The following NOC3L variants were observed in gnomAD, a reference collection of about 807,000 sequenced individuals.
NOC3L encodes the protein nucleolar complex protein 3 homolog.
A neutral mutation model predicts 102.5 loss-of-function variants in NOC3L; 85 were observed. The observed-to-expected ratio is 0.83, with a 90% CI of 0.70 to 0.99. The LOEUF (loss-of-function observed/expected upper bound fraction) is 0.99, where lower values mean the gene tolerates loss of function less well. Ranked by LOEUF, NOC3L falls within the 50% of genes least tolerant of loss-of-function variation. The pLI is 0.00. For synonymous variants in NOC3L, 303 were observed against 309.4 expected, an observed-to-expected ratio of 0.98 and a Z score of 0.22; for missense variants, 878 against 914.9, an observed-to-expected ratio of 0.96 and a Z score of 0.52.
At chr10:94,318,945 A>C in the NOC3L span, among the ~76,000 whole-genome samples, 1 of 152,090 alleles carries the variant, frequency 6.6e-6, no homozygotes, top group East Asian at 1.9e-4. Context: ...CTACTCAGGA[A>C]GCTGAGGCAG....
the NOC3L span, chr10:94,328,175 A>G: frequency 5.1e-5 from 15 of 294,818 alleles, no homozygotes; most frequent in South Asian, 5.2e-4. Flanking sequence ...CCATTTTATA[A>G]ATGTCAGCAG....
the NOC3L span, chr10:94,328,020 A>G: frequency 3.8e-6 from 2 of 528,874 alleles, no homozygotes; most frequent in Admixed American, 3.9e-5. Context: ...AAAAAATATA[A>G]TTATTTTCAT....
chr10:94,341,988 A>T (rs949512377), intron 13 of NOC3L, among the ~76,000 whole-genome samples: 20 of 152,232 alleles, frequency 1.3e-4, no homozygotes, highest in African/African-American at 4.6e-4. Context: ...ATATTTCAAA[A>T]ATCCTTCTGC....
intron 2 of NOC3L, 72 bp downstream of exon 2, chr10:94,361,592 CA>C (rs2054551524): frequency 1.4e-6 from 2 of 1,467,954 alleles, no homozygotes; most frequent in Non-Finnish European, 1.9e-6. Flanking sequence ...TACTAGAAAG[CA>C]AAGTTATTTC....
Position 94,338,620 on chromosome 10 carries a change from C to T in NOC3L, c.2079G>A (p.Leu693=). ...GGGCCACTCTTACCCGCAGAGCATG[C>T]AGTTCCCACAGAGCAGTGTTCTGAG... ...CNAQNTALWE[L]HALRRHYHPI... Residue 693 remains leucine, a synonymous_variant, in exon 18 of 21, where the codon CTG becomes CTA. Coordinates refer to ENST00000371361, the MANE Select transcript of NOC3L (RefSeq NM_022451.11). 1.3e-6 allele frequency: 2 copies of T among 1,566,924 alleles called. No homozygotes were observed. The highest frequency in any genetic ancestry group is 1.2e-5 in the South Asian group (1 of 81,898).
chr10:94,334,337 T>G, intron 20 of NOC3L, 32 bp from the exon 21 acceptor site: 1 of 1,425,564 alleles, frequency 7.0e-7, no homozygotes, highest in Non-Finnish European at 9.8e-7. Flanking sequence ...GAGTTAGAAG[T>G]TACTTATGCT....
intron 13 of NOC3L, among the ~76,000 whole-genome samples, chr10:94,343,496 T>C (rs1419567057): frequency 6.6e-6 from 1 of 152,232 alleles, no homozygotes; most frequent in Admixed American, 6.5e-5. Context: ...AGGAAATGCA[T>C]ACCATTGCCA....
chr10:94,334,345 G>T (rs2054192860), intron 20 of NOC3L, 40 bp from the exon 21 acceptor site: 1 of 1,368,514 alleles, frequency 7.3e-7, no homozygotes, highest in Non-Finnish European at 1.0e-6. Flanking sequence ...AGTTACTTAT[G>T]CTATAAGCTA....
rs1456712473 is a variant in NOC3L at position 94,352,332 on chromosome 10, T to G, written c.930A>C (p.Glu310Asp). Residue 310 changes from glutamate to aspartate, a missense_variant, in exon 8 of 21, where the codon GAA becomes GAC. Coordinates refer to ENST00000371361, the MANE Select transcript of NOC3L (RefSeq NM_022451.11). Reference sequence around the variant, plus strand: ...TACCTTTAACCATTTGTTCCAGATTTTCCAAATAAAACTTGTATTGGCTAA... The same window carrying G: ...TACCTTTAACCATTTGTTCCAGATTGTCCAAATAAAACTTGTATTGGCTAA... The part of the protein sequence containing the change: ...GLVSQYKFYL[E>D]NLEQMVKDWK... 6.2e-7 allele frequency: 1 copy of G among 1,611,388 alleles called. No homozygotes were observed.
the NOC3L span, among the ~76,000 whole-genome samples, chr10:94,320,829 TACATAGTC>T: frequency 2.6e-5 from 4 of 152,360 alleles, no homozygotes; most frequent in African/African-American, 9.6e-5. Flanking sequence ...GGTGTTGCTT[TACATAGTC>T]ACATACACAA....
chr10:94,361,379 TAAC>T, intron 2 of NOC3L: 1 of 392,440 alleles, frequency 2.5e-6, no homozygotes, highest in Non-Finnish European at 4.6e-6. Context: ...AATATTTATG[TAAC>T]GGAGTACTTT....
intron 19 of NOC3L, among the ~76,000 whole-genome samples, chr10:94,337,368 A>G (rs558482103): frequency 7.0e-6 from 1 of 142,790 alleles, no homozygotes; most frequent in African/African-American, 2.6e-5. Flanking sequence ...AAAAAAAAAA[A>G]AAAGACCGAG....
At chr10:94,324,972 A>G in the NOC3L span, 2 of 1,614,056 alleles carry the variant, frequency 1.2e-6, no homozygotes, top group African/African-American at 1.3e-5. Flanking sequence ...AACAGCCCCG[A>G]GGACTTACAT....
Position 94,333,649 on chromosome 10 carries a change from A to G in NOC3L, c.*528T>C, listed in dbSNP as rs954209638. ...TAGGTGGATCATCCAGCAAAAGCCA[A>G]TGAACCTGAATACAAGCTATTTTTT... On this transcript the variant is annotated 3_prime_UTR_variant, in exon 21 of 21. Transcript: ENST00000371361. The G allele has an allele frequency of 2.0e-5, 3 of 152,196 alleles. No individual in the cohort carries two copies. The highest frequency in any genetic ancestry group is 7.2e-5 in the African/African-American group (3 of 41,456). The allele number at this position is 152,196 out of a possible 1,614,324, so 9.4% of individuals were successfully genotyped here. A position where few individuals can be genotyped will look rare whatever the true frequency, so the allele number is the denominator to read the frequency against.
chr10:94,354,009 T>C (rs1430653066), intron 6 of NOC3L, among the ~76,000 whole-genome samples: 1 of 152,168 alleles, frequency 6.6e-6, no homozygotes, highest in African/African-American at 2.4e-5. Flanking sequence ...AACAAATCAC[T>C]TGGGTTTTTT....
chr10:94,339,561 A>C (rs1185847292), intron 17 of NOC3L, among the ~76,000 whole-genome samples, 178 bp downstream of exon 17: 8 of 152,222 alleles, frequency 5.3e-5, no homozygotes, highest in Non-Finnish European at 1.2e-4. Context: ...GAGAAGTGTC[A>C]ATAGGTATAA....
chr10:94,339,846 A>G lies in NOC3L; in HGVS notation c.1855T>C (p.Ser619Pro). The change falls in exon 17 of 21, where the codon TCT (serine) becomes CCT (proline). Residue 619 changes from serine (S) to proline (P), a missense_variant. By Grantham distance (74) the Ser-to-Pro change is moderately conservative. Transcript: ENST00000371361. ...ATGAAGGCAAGAGCTCGCTGCTGAG[A>G]AACTTGCTTTCTGCGCTTAGTTAGC... ...VMLTKRRKQVSQQRALAFIKR... is the reference protein window; with the variant it reads ...VMLTKRRKQVPQQRALAFIKR... 6.2e-7 allele frequency: 1 copy of G among 1,614,208 alleles called. No individual in the cohort carries two copies. The highest frequency in any genetic ancestry group is 8.5e-7 in the Non-Finnish European group (1 of 1,180,014).
Position 94,356,536 on chromosome 10 carries a change from TTCC to T in NOC3L, c.561_563del (p.Glu189del), listed in dbSNP as rs747454730. The T allele has an allele frequency of 1.5e-5, 24 of 1,570,452 alleles. No homozygotes were observed. In the South Asian group the frequency reaches 2.6e-4, roughly 17 times the overall value. ...TTAGTAACTGTAAAGACATATTACCTTCCTCAAGTTCCCTCTCTTCTTCTTGAT... is the reference window on the plus strand; with the variant it reads ...TTAGTAACTGTAAAGACATATTACCTTCAAGTTCCCTCTCTTCTTCTTGAT... On this transcript the variant is annotated inframe_deletion and splice_region_variant, in exon 5 of 21. Transcript: ENST00000371361.
chr10:94,344,547 G>C lies in NOC3L; in HGVS notation c.1471-32C>G, dbSNP rs140671214. The C allele has an allele frequency of 2.5e-3, 3,711 of 1,476,774 alleles. 91 individuals are homozygous for C. The African/African-American group carries it at 0.044, about 18-fold the overall frequency. The allele number at this position is 1,476,774 out of a possible 1,614,324, so 91.5% of individuals were successfully genotyped here. A position where few individuals can be genotyped will look rare whatever the true frequency, so the allele number is the denominator to read the frequency against. ...GAGGAGACAGACAAAATGACTTTAG[G>C]ATAACCTGGTATGCTTTCTCCTGAG... On this transcript the variant is annotated intron_variant, in intron 12 of 20. Coordinates refer to ENST00000371361, the MANE Select transcript of NOC3L (RefSeq NM_022451.11).
Sources: allele counts gnomAD v4.1 joint callset (sites outside exome capture counted in the v4.1 genomes callset), GRCh38; gene constraint gnomAD v4.1.1; transcripts MANE v1.5; gene names NCBI Gene and HGNC (gene_info 2026-07-23, HGNC 2026-07-21).